The following DCC variants were observed in gnomAD, a reference collection of about 807,000 sequenced individuals.
DCC encodes DCC netrin 1 receptor.
A neutral mutation model predicts 172.5 loss-of-function variants in DCC; 58 were observed. The observed-to-expected ratio is 0.34, with a 90% CI of 0.27 to 0.42. DCC has a LOEUF of 0.42. Among genes scored for constraint, DCC ranks in the 10% least tolerant of loss-of-function variants. DCC has a pLI of 1.00. For missense variants in DCC, 1,740 were observed against 1,791.0 expected (o/e 0.97, Z 0.51); for synonymous variants, 709 against 644.5 (o/e 1.10, Z -1.52).
intron 1 of DCC, among the ~76,000 whole-genome samples, chr18:52,386,034 A>T (rs1985786193): frequency 6.6e-6 from 1 of 152,070 alleles, no homozygotes. Context: ...GTAGATTCTT[A>T]TTCAATCCTC....
intron 12 of DCC, among the ~76,000 whole-genome samples, chr18:53,300,659 C>T (rs1232228765): frequency 6.6e-6 from 1 of 152,162 alleles, no homozygotes; most frequent in Non-Finnish European, 1.5e-5. Flanking sequence ...TTGAAGGAAC[C>T]TAAACCTATA....
chr18:52,837,974 G>T (rs937832131), intron 2 of DCC, among the ~76,000 whole-genome samples: 3 of 152,110 alleles, frequency 2.0e-5, no homozygotes, highest in Non-Finnish European at 2.9e-5. Flanking sequence ...CCCAGTGAAG[G>T]GGGAAGCCCT....
chr18:53,332,726 G>T (rs542918153), intron 14 of DCC, among the ~76,000 whole-genome samples: 1 of 152,080 alleles, frequency 6.6e-6, no homozygotes, highest in Non-Finnish European at 1.5e-5. Context: ...AGGAAATTTT[G>T]GCAGTGATGG....
chr18:52,450,991 A>G (rs1988285972), intron 1 of DCC, among the ~76,000 whole-genome samples: 1 of 152,242 alleles, frequency 6.6e-6, no homozygotes, highest in Non-Finnish European at 1.5e-5. Context: ...TTTCTTAAGT[A>G]AATGTAAAGA....
At chr18:52,793,568 T>C (rs565562512) in intron 2 of DCC, among the ~76,000 whole-genome samples, 2 of 152,332 alleles carry the variant, frequency 1.3e-5, no homozygotes, top group African/African-American at 2.4e-5. Flanking sequence ...ATTTTACAAA[T>C]ATTTTCTCTC....
At chr18:53,527,815 AT>A (rs1290871130) in intron 28 of DCC, among the ~76,000 whole-genome samples, 4 of 152,184 alleles carry the variant, frequency 2.6e-5, no homozygotes, top group African/African-American at 9.6e-5. Flanking sequence ...AAGAGAAAAC[AT>A]TTAAAAGAAG....
At chr18:52,639,794 A>AATTGGT (rs1483996325) in intron 1 of DCC, among the ~76,000 whole-genome samples, 2 of 152,270 alleles carry the variant, frequency 1.3e-5, no homozygotes, top group Non-Finnish European at 2.9e-5. Flanking sequence ...TTCAAAGAAG[A>AATTGGT]ATTGGTACCT....
At chr18:53,325,232 A>C (rs2057454157) in intron 14 of DCC, among the ~76,000 whole-genome samples, 1 of 146,074 alleles carries the variant, frequency 6.8e-6, no homozygotes, top group Non-Finnish European at 1.5e-5. Flanking sequence ...TTATGCTTTG[A>C]GGTCCAGTGT....
intron 1 of DCC, among the ~76,000 whole-genome samples, chr18:52,588,160 T>C (rs1203248131): frequency 6.6e-6 from 1 of 152,190 alleles, no homozygotes; most frequent in East Asian, 1.9e-4. Flanking sequence ...AGAGTAGTTA[T>C]CTGCAGAAGA....
intron 27 of DCC, 117 bp from the exon 28 acceptor site, chr18:53,526,500 C>A: frequency 9.2e-7 from 1 of 1,081,216 alleles, no homozygotes; most frequent in Non-Finnish European, 1.4e-6. Context: ...CTTTACACTA[C>A]AGAATGAGCA....
At chr18:53,065,888 G>A (rs2042558860) in intron 6 of DCC, among the ~76,000 whole-genome samples, 158 bp from the exon 7 acceptor site, 1 of 152,098 alleles carries the variant, frequency 6.6e-6, no homozygotes, top group African/African-American at 2.4e-5. Context: ...ACTTTTCCCA[G>A]GTGGCATAGG....
intron 8 of DCC, among the ~76,000 whole-genome samples, chr18:53,161,569 C>A (rs1311169187): frequency 6.6e-6 from 1 of 152,146 alleles, no homozygotes; most frequent in Non-Finnish European, 1.5e-5. Context: ...AATCCATACT[C>A]ATATACACGT....
chr18:52,447,202 C>G (rs1413393887), intron 1 of DCC, among the ~76,000 whole-genome samples: 2 of 152,144 alleles, frequency 1.3e-5, no homozygotes, highest in African/African-American at 2.4e-5. Context: ...GATAACCCCC[C>G]GTCTTAGTCG....
intron 1 of DCC, among the ~76,000 whole-genome samples, chr18:52,382,141 A>G (rs1248909023): frequency 6.6e-6 from 1 of 152,134 alleles, no homozygotes. Flanking sequence ...GTGGACTTTC[A>G]TATGTCTTAA....
chr18:53,503,409 A>AT (rs2046129015), intron 27 of DCC, among the ~76,000 whole-genome samples: 1 of 152,068 alleles, frequency 6.6e-6, no homozygotes, highest in African/African-American at 2.4e-5. Context: ...GAGTGCTTCC[A>AT]TTTTTTAATG....
intron 1 of DCC, among the ~76,000 whole-genome samples, chr18:52,653,946 G>T (rs536179804): frequency 9.2e-5 from 14 of 152,026 alleles, no homozygotes; most frequent in African/African-American, 3.1e-4. Context: ...TTCTTTCTTG[G>T]TGATCAAATC....
intron 2 of DCC, among the ~76,000 whole-genome samples, chr18:52,841,445 A>G (rs16955681): frequency 6.6e-6 from 1 of 152,144 alleles, no homozygotes; most frequent in Non-Finnish European, 1.5e-5. Context: ...TATTTCCACT[A>G]GCAGATCCTA....
At chr18:53,473,947 G>T (rs1345528554) in intron 25 of DCC, among the ~76,000 whole-genome samples, 1 of 152,032 alleles carries the variant, frequency 6.6e-6, no homozygotes, top group Non-Finnish European at 1.5e-5. Context: ...GTTTTTGTAG[G>T]CCTAAAATAA....
At chr18:53,507,913 A>AGAT (rs1205195536) in intron 27 of DCC, among the ~76,000 whole-genome samples, 1 of 105,246 alleles carries the variant, frequency 9.5e-6, no homozygotes, top group East Asian at 2.8e-4. Flanking sequence ...TTTTTTTTTG[A>AGAT]GATGGAGTCT....
Sources: allele counts gnomAD v4.1 joint callset (sites outside exome capture counted in the v4.1 genomes callset), GRCh38; gene constraint gnomAD v4.1.1; transcripts MANE v1.5; gene names NCBI Gene and HGNC (gene_info 2026-07-23, HGNC 2026-07-21).